The following EIF2D variants were observed in gnomAD, a reference collection of about 807,000 sequenced individuals.
EIF2D encodes hepatocellular carcinoma-associated antigen 56.
EIF2D carries 56 observed loss-of-function variants against 77.4 expected under a neutral mutation model. That is an observed-to-expected ratio of 0.72 (90% CI 0.58 to 0.90). The LOEUF (loss-of-function observed/expected upper bound fraction) is 0.90. Among genes scored for constraint, EIF2D ranks in the 40% least tolerant of loss-of-function variants. EIF2D has a pLI of 0.00. For synonymous variants in EIF2D, 230 were observed against 271.0 expected (o/e 0.85, Z 1.49); for missense variants, 574 against 706.5 (o/e 0.81, Z 2.13).
rs1669972031 is a variant in EIF2D at position 206,602,438 on chromosome 1, A to T, written c.800T>A (p.Leu267Gln). ...SKTLQEQMDELLQQCFLHALK... is the reference protein window; with the variant it reads ...SKTLQEQMDEQLQQCFLHALK... The stretch of plus-strand genomic sequence containing the variant: ...GGCATGTAAGAAGCATTGCTGTAAC[A>T]GCTCATCCATTTGTTCTGCAGGGAA... The change falls in exon 7 of 15, where the codon CTG becomes CAG. Residue 267 changes from leucine to glutamine, a missense_variant. Coordinates refer to ENST00000271764, the MANE Select transcript of EIF2D (RefSeq NM_006893.3). 6.2e-7 allele frequency: 1 copy of T among 1,614,054 alleles called. No individual in the cohort carries two copies. The highest frequency in any genetic ancestry group is 1.7e-5 in the Admixed American group (1 of 60,012).
intron 4 of EIF2D, chr1:206,580,572 C>G (rs782037198): frequency 2.0e-5 from 3 of 152,176 alleles, no homozygotes; most frequent in Non-Finnish European, 4.4e-5. Flanking sequence ...ATGGGGAGCT[C>G]TGGGAGCTAC....
At chr1:206,595,959 A>G in intron 12 of EIF2D, 121 bp from the exon 13 acceptor site, 4 of 1,333,902 alleles carry the variant, frequency 3.0e-6, no homozygotes, top group Non-Finnish European at 4.1e-6. Context: ...TTGGCTGCAC[A>G]TTAGAATCAT....
chr1:206,581,972 T>C (rs1490580493), intron 2 of EIF2D, among the ~76,000 whole-genome samples: 1 of 152,118 alleles, frequency 6.6e-6, no homozygotes. Context: ...CACAGGACAG[T>C]GTCAGATGGT....
intron 14 of EIF2D, 47 bp from the exon 15 acceptor site, chr1:206,591,892 C>A: frequency 6.3e-7 from 1 of 1,594,460 alleles, no homozygotes; most frequent in Non-Finnish European, 8.6e-7. Context: ...TGACCTTGCT[C>A]CCCGGCTGGC....
intron 2 of EIF2D, among the ~76,000 whole-genome samples, chr1:206,582,853 A>G (rs1030703080): frequency 6.6e-6 from 1 of 152,162 alleles, no homozygotes. Flanking sequence ...GAGACAGACC[A>G]TGGCTTGTAT....
At chr1:206,593,506 A>AGTGTGTGTGTGCGCGTGTGT (rs1286437460) in intron 14 of EIF2D, 113 bp downstream of exon 14, 4 of 442,734 alleles carry the variant, frequency 9.0e-6, no homozygotes, top group African/African-American at 7.3e-5. Flanking sequence ...AGAGAGAGAG[A>AGTGTGTGTGTGCGCGTGTGT]GAGTGTGTGT....
In EIF2D at chr1:206,599,710, A is replaced by G; in HGVS notation, c.1052+23T>C. On this transcript the variant is annotated intron_variant, in intron 9 of 14. Transcript: ENST00000271764. The surrounding 1 kb of genome is among the most constrained non-coding windows in gnomAD (Gnocchi z 4.1). ...GGTGCCCTGGGGCCAGCTGGGCTAC[A>G]GTGACAGGCCCCCTGCACTCACCTC... 2 of 1,613,946 alleles carry G rather than the reference A, an allele frequency of 1.2e-6. No homozygotes were observed. The highest frequency in any genetic ancestry group is 1.7e-6 in the Non-Finnish European group (2 of 1,179,816).
Position 206,601,359 on chromosome 1 carries a change from TAGG to T in EIF2D, c.902+974_902+976del, listed in dbSNP as rs529152928. 5.9e-5 allele frequency: 9 copies of T among 152,272 alleles called. No homozygotes were observed. The East Asian group carries it at 1.7e-3, about 29-fold the overall frequency. 9.4% of individuals were successfully genotyped at this position (152,272 alleles called of 1,614,324 possible). A position where few individuals can be genotyped will look rare whatever the true frequency, so the allele number is the denominator to read the frequency against. On this transcript the variant is annotated intron_variant, in intron 7 of 14. Transcript: ENST00000271764. ...CCGAGGCAGGCGGATCACTTGAGGT[TAGG>T]AGTTCAAAACCAGCCTGGGCAACAT...
intron 3 of EIF2D, 108 bp downstream of exon 3, chr1:206,609,268 T>A (rs1670353988): frequency 9.1e-7 from 1 of 1,095,286 alleles, no homozygotes; most frequent in Non-Finnish European, 1.3e-6. Flanking sequence ...GGGAAAAAAT[T>A]CCATTTTTCA....
intron 4 of EIF2D, among the ~76,000 whole-genome samples, chr1:206,606,645 C>T (rs889466778): frequency 2.6e-5 from 4 of 152,098 alleles, no homozygotes; most frequent in East Asian, 1.9e-4. Flanking sequence ...GGTTCCAAAG[C>T]GTTCAAGGAA....
chr1:206,608,213 G>A lies in EIF2D; in HGVS notation c.422+23C>T, dbSNP rs181922646. The A allele has an allele frequency of 9.6e-5, 154 of 1,601,464 alleles. 1 individual carries two copies. In the East Asian group the frequency reaches 2.4e-3, roughly 25 times the overall value. The stretch of plus-strand genomic sequence containing the variant: ...CTTTTACACAAGTTTTTCCCCCAAA[G>A]GCACAGTTGCCTGGCACAGTACCTG... On this transcript the variant is annotated intron_variant, in intron 4 of 14. Coordinates refer to ENST00000271764, the MANE Select transcript of EIF2D (RefSeq NM_006893.3).
chr1:206,574,249 G>C (rs940164807), intron 4 of EIF2D, among the ~76,000 whole-genome samples: 1 of 152,218 alleles, frequency 6.6e-6, no homozygotes, highest in East Asian at 1.9e-4. Context: ...GGCCTGATCT[G>C]TGCTGCTTGA....
In EIF2D at chr1:206,579,298, C is replaced by A. The variant is rs1413454886; in HGVS notation, c.*254+1394G>T. On this transcript the variant is annotated intron_variant and NMD_transcript_variant, in intron 4 of 5. Coordinates refer to the EIF2D transcript ENST00000472709. This position sits in a 1 kb window ranked among gnomAD's most constrained non-coding sequence, Gnocchi z 4.2. ...GCCCCCAGGAGAGACACCTCACATGCCAATGTCTATATTTGTTAAATCATA... is the reference window on the plus strand; with the variant it reads ...GCCCCCAGGAGAGACACCTCACATGACAATGTCTATATTTGTTAAATCATA... Among the ~76,000 whole-genome samples, 2 of 152,202 alleles carry A rather than the reference C, an allele frequency of 1.3e-5. No individual in the cohort carries two copies. Among genetic ancestry groups the A allele is most frequent in the African/African-American group, 4.8e-5 (2 of 41,442 alleles).
At chr1:206,583,518 G>T (rs1161289124) in intron 2 of EIF2D, 2 of 648,906 alleles carry the variant, frequency 3.1e-6, no homozygotes, top group Non-Finnish European at 5.6e-6. Flanking sequence ...GGCCTCCGGG[G>T]TCTGGAAGGC....
chr1:206,580,665 GTGAGGCTCACACTAC>G (rs1668836120), intron 4 of EIF2D: 1 of 152,220 alleles, frequency 6.6e-6, no homozygotes, highest in African/African-American at 2.4e-5. Flanking sequence ...AAGAGAGTCT[GTGAGGCTCACACTAC>G]TTGCTACTCA....
At chr1:206,589,122 C>G (rs1669256711), downstream of EIF2D, 1 of 152,738 alleles carries the variant, frequency 6.5e-6, no homozygotes, top group Non-Finnish European at 1.5e-5. Flanking sequence ...TATCGAGTAC[C>G]CGTTCCCTCC....
At position 206,585,359 on chromosome 1, in the gene EIF2D, T is replaced by C. The variant is rs532555265; in HGVS notation, c.139-4197A>G. Reference sequence around the variant, plus strand: ...CACCCTGGGTGGGTGCAGGTGGGTGTTGTCCTAACTACCTCACATAGGTGG... The same window carrying C: ...CACCCTGGGTGGGTGCAGGTGGGTGCTGTCCTAACTACCTCACATAGGTGG... On this transcript the variant is annotated intron_variant and NMD_transcript_variant, in intron 2 of 5. Coordinates refer to the EIF2D transcript ENST00000472709. 51 of 1,161,350 alleles carry C rather than the reference T, an allele frequency of 4.4e-5. 1 individual carries two copies. In the South Asian group the frequency reaches 6.2e-4, roughly 14 times the overall value. 71.9% of individuals were successfully genotyped at this position (1,161,350 alleles called of 1,614,324 possible).
intron 4 of EIF2D, 94 bp downstream of exon 4, chr1:206,608,142 T>C (rs1670286820): frequency 8.2e-7 from 1 of 1,225,952 alleles, no homozygotes; most frequent in African/African-American, 1.5e-5. Context: ...TTGCTTTCAC[T>C]CTTTTGTTCA....
At chr1:206,573,751 T>C (rs1668536126) in intron 4 of EIF2D, among the ~76,000 whole-genome samples, 1 of 152,220 alleles carries the variant, frequency 6.6e-6, no homozygotes, top group South Asian at 2.1e-4. Context: ...CTCACGCCTG[T>C]AATCCCAGCA....
Sources: allele counts gnomAD v4.1 joint callset (sites outside exome capture counted in the v4.1 genomes callset), GRCh38; gene constraint gnomAD v4.1.1; non-coding constraint Gnocchi (gnomAD v3.1); transcripts MANE v1.5; gene names NCBI Gene and HGNC (gene_info 2026-07-23, HGNC 2026-07-21).